FAT3: variants seen among roughly 807,000 people sequenced by gnomAD.
FAT3 encodes the protein protocadherin Fat 3.
FAT3 carries 95 observed loss-of-function variants against 310.2 expected under a neutral mutation model. The observed-to-expected ratio is 0.31, with a 90% CI of 0.26 to 0.36. The LOEUF is 0.36. FAT3 is among the 10% of genes least tolerant of loss of function. The pLI is 1.00. For missense variants in FAT3, 5,408 were observed against 5,715.6 expected (o/e 0.95, Z 1.74); for synonymous variants, 2,314 against 2,192.9 (o/e 1.06, Z -1.54).
At position 92,792,802 on chromosome 11, in the gene FAT3, G is replaced by T. The variant is rs775554095; in HGVS notation, c.4647G>T (p.Leu1549Phe). Residue 1549 changes from leucine to phenylalanine, a missense_variant, in exon 9 of 28, where the codon TTG becomes TTT. Leu to Phe is a conservative substitution (Grantham distance 22, BLOSUM62 0). Coordinates refer to ENST00000525166, the MANE Select transcript of FAT3 (RefSeq NM_001367949.2). ...AGGAGTTTCCTTATCGAAGAAACTTGGCCCGAGTCATTGTGAATGTGGAGG... is the reference window on the plus strand; with the variant it reads ...AGGAGTTTCCTTATCGAAGAAACTTTGCCCGAGTCATTGTGAATGTGGAGG... ...RDQEFPYRRN[L>F]ARVIVNVEDA... is the part of the protein sequence containing the mutation. The T allele has an allele frequency of 2.4e-5, 39 of 1,613,662 alleles. No homozygotes were observed. Among genetic ancestry groups the T allele is most frequent in the Non-Finnish European group, 2.8e-5 (33 of 1,179,756 alleles).
At chr11:92,564,425 C>A (rs1363209686) in intron 3 of FAT3, among the ~76,000 whole-genome samples, 1 of 150,278 alleles carries the variant, frequency 6.7e-6, no homozygotes, top group Non-Finnish European at 1.5e-5. Context: ...TAGACTCCCA[C>A]ACATTAATAA....
In FAT3 at chr11:92,871,952, C is replaced by T. The variant is rs550124769; in HGVS notation, c.12127+4743C>T. Among the ~76,000 whole-genome samples the T allele has an allele frequency of 5.9e-5, 9 of 151,652 alleles. No homozygotes were observed. The Middle Eastern group carries it at 0.01, about 172-fold the overall frequency. ...ACATTCAGGAATTGAGAGTCGGATGCGCAGCCTGCACTTAAAAAAAAAAAT... is the reference window on the plus strand; with the variant it reads ...ACATTCAGGAATTGAGAGTCGGATGTGCAGCCTGCACTTAAAAAAAAAAAT... On this transcript the variant is annotated intron_variant, in intron 22 of 27. Coordinates refer to ENST00000525166, the MANE Select transcript of FAT3 (RefSeq NM_001367949.2).
At chr11:92,668,439 G>A (rs1943023926) in intron 3 of FAT3, among the ~76,000 whole-genome samples, 1 of 152,138 alleles carries the variant, frequency 6.6e-6, no homozygotes, top group Non-Finnish European at 1.5e-5. Flanking sequence ...TAATCCAGAT[G>A]GTTCCAATTC....
In FAT3 at chr11:92,608,086, A is replaced by G. The variant is rs190474291; in HGVS notation, c.3607+83138A>G. Reference sequence around the variant, plus strand: ...GGGTTTAAGTATGTTCAGGAAATTAAAAGCTAGGATCCCTGCAGGAACCAT... The same window carrying G: ...GGGTTTAAGTATGTTCAGGAAATTAGAAGCTAGGATCCCTGCAGGAACCAT... On this transcript the variant is annotated intron_variant, in intron 3 of 27. Transcript: ENST00000525166. 3.3e-5 allele frequency among the ~76,000 whole-genome samples: 5 copies of G among 152,274 alleles called. No homozygotes were observed. In the East Asian group the frequency reaches 9.7e-4, roughly 29 times the overall value.
At chr11:92,275,269 C>G (rs1402364841) in intron 1 of FAT3, among the ~76,000 whole-genome samples, 3 of 152,040 alleles carry the variant, frequency 2.0e-5, no homozygotes, top group Non-Finnish European at 4.4e-5. Context: ...TTCTTTCTCC[C>G]TAGCAATCCT....
At chr11:92,840,922 G>A (rs901645940) in intron 18 of FAT3, among the ~76,000 whole-genome samples, 163 bp downstream of exon 18, 2 of 152,130 alleles carry the variant, frequency 1.3e-5, no homozygotes, top group African/African-American at 4.8e-5. Flanking sequence ...ACCAGTAAAA[G>A]CTGCCTCTGT....
intron 4 of FAT3, among the ~76,000 whole-genome samples, chr11:92,708,431 T>C (rs1435599403): frequency 6.6e-6 from 1 of 152,262 alleles, no homozygotes; most frequent in Non-Finnish European, 1.5e-5. Context: ...CTGTGTGACC[T>C]ACAGCCAAAT....
intron 1 of FAT3, among the ~76,000 whole-genome samples, chr11:92,239,605 A>G (rs1398052123): frequency 6.6e-6 from 1 of 152,102 alleles, no homozygotes; most frequent in Non-Finnish European, 1.5e-5. Flanking sequence ...CTTTGAGTCC[A>G]TGTCATGTTA....
At chr11:92,304,175 AG>A (rs1947066101) in intron 1 of FAT3, among the ~76,000 whole-genome samples, 1 of 151,912 alleles carries the variant, frequency 6.6e-6, no homozygotes, top group African/African-American at 2.4e-5. Flanking sequence ...GTGCTTAGGA[AG>A]GGCTTTAGGT....
At chr11:92,494,130 G>A (rs1004996057) in intron 2 of FAT3, among the ~76,000 whole-genome samples, 6 of 151,648 alleles carry the variant, frequency 4.0e-5, no homozygotes, top group Non-Finnish European at 8.8e-5. Flanking sequence ...AGTGAGTGCA[G>A]GGGAAAACTT....
At chr11:92,241,408 G>T (rs1477164220) in intron 1 of FAT3, among the ~76,000 whole-genome samples, 3 of 152,022 alleles carry the variant, frequency 2.0e-5, no homozygotes, top group African/African-American at 7.2e-5. Flanking sequence ...GCTCATTTGT[G>T]ATGTGTTTCT....
chr11:92,727,352 C>T (rs1308291461), intron 4 of FAT3, among the ~76,000 whole-genome samples: 1 of 151,860 alleles, frequency 6.6e-6, no homozygotes, highest in South Asian at 2.1e-4. Flanking sequence ...CAGACATTGC[C>T]ACCGACTTCA....
At chr11:92,820,413 A>C (rs1368425791) in intron 13 of FAT3, among the ~76,000 whole-genome samples, 1 of 152,136 alleles carries the variant, frequency 6.6e-6, no homozygotes, top group Non-Finnish European at 1.5e-5. Context: ...ATTGCCTCCT[A>C]AAAGCCTTAT....
At chr11:92,420,284 A>G (rs191970136) in intron 2 of FAT3, among the ~76,000 whole-genome samples, 120 of 152,356 alleles carry the variant, frequency 7.9e-4, no homozygotes, top group African/African-American at 2.8e-3. Context: ...TGATAATTAT[A>G]AATCATAAAT....
In FAT3 at chr11:92,890,947, C is replaced by T. The variant is rs1565684746; in HGVS notation, c.13604C>T (p.Ser4535Phe). 6.2e-7 allele frequency: 1 copy of T among 1,614,016 alleles called. No individual in the cohort carries two copies. The highest frequency in any genetic ancestry group is 8.5e-7 in the Non-Finnish European group (1 of 1,179,878). The change falls in exon 28 of 28, where the codon TCT (serine) becomes TTT (phenylalanine). Residue 4535 changes from serine (S) to phenylalanine (F), a missense_variant. Coordinates refer to ENST00000525166, the MANE Select transcript of FAT3 (RefSeq NM_001367949.2). Reference protein sequence around the residue: ...TEPTGPADSVSLSLHNSRGTS... With the variant: ...TEPTGPADSVFLSLHNSRGTS... ...CCCACAGGCCCAGCAGACAGCGTGT[C>T]TCTGTCCTTGCACAATTCCAGAGGC...
intron 3 of FAT3, among the ~76,000 whole-genome samples, chr11:92,654,515 T>A (rs1942506188): frequency 1.3e-5 from 2 of 152,200 alleles, no homozygotes; most frequent in African/African-American, 4.8e-5. Context: ...TGCCTAGCTA[T>A]GCAGGCCAAA....
chr11:92,266,150 G>A (rs1466454000), intron 1 of FAT3, among the ~76,000 whole-genome samples: 7 of 152,096 alleles, frequency 4.6e-5, no homozygotes, highest in Admixed American at 4.6e-4. Context: ...GGTTCTAAAT[G>A]CCTCTTTTAA....
chr11:92,327,722 G>C (rs1219425963), intron 1 of FAT3, among the ~76,000 whole-genome samples: 1 of 152,148 alleles, frequency 6.6e-6, no homozygotes, highest in Non-Finnish European at 1.5e-5. Flanking sequence ...CATCCACTGG[G>C]TCTGCAAGTA....
At chr11:92,779,695 T>C (rs1946689535) in intron 7 of FAT3, among the ~76,000 whole-genome samples, 2 of 152,200 alleles carry the variant, frequency 1.3e-5, no homozygotes, top group South Asian at 2.1e-4. Context: ...GAATATGTTA[T>C]GTTACATGGC....
Sources: allele counts gnomAD v4.1 joint callset (sites outside exome capture counted in the v4.1 genomes callset), GRCh38; gene constraint gnomAD v4.1.1; transcripts MANE v1.5; gene names NCBI Gene and HGNC (gene_info 2026-07-23, HGNC 2026-07-21).